Variants in DNAH5 observed in about 807,000 individuals in gnomAD.
DNAH5 encodes dynein axonemal heavy chain 5.
A neutral mutation model predicts 518.2 loss-of-function variants in DNAH5; 372 were observed. The ratio of observed to expected loss-of-function variants is 0.72; its 90% CI spans 0.66 to 0.78. DNAH5 has a LOEUF of 0.78. Among genes scored for constraint, DNAH5 ranks in the 30% least tolerant of loss-of-function variants. The probability of loss-of-function intolerance (pLI) is 0.00; values close to 1 mark genes in which losing one functional copy is unlikely to be tolerated. For missense variants in DNAH5, 5,523 were observed against 5,687.0 expected (o/e 0.97, Z 0.93); for synonymous variants, 2,039 against 2,025.9 (o/e 1.01, Z -0.17).
intron 52 of DNAH5, among the ~76,000 whole-genome samples, 189 bp downstream of exon 52, chr5:13,785,990 G>T (rs778811319): frequency 1.3e-5 from 2 of 152,164 alleles, no homozygotes; most frequent in Admixed American, 6.5e-5. Context: ...AAGTACACAG[G>T]CTCTTATTTC....
chr5:13,866,142 C>A, intron 26 of DNAH5, 78 bp downstream of exon 26: 3 of 1,397,104 alleles, frequency 2.1e-6, no homozygotes, highest in Non-Finnish European at 2.0e-6. Context: ...CTCTATCTTA[C>A]AAAGAAGAAA....
chr5:13,958,041 T>G (rs1218274182), intron 1 of DNAH5, among the ~76,000 whole-genome samples: 6 of 151,940 alleles, frequency 3.9e-5, no homozygotes, highest in African/African-American at 1.4e-4. Flanking sequence ...TATTGAATAT[T>G]CTTCAAAATA....
chr5:13,891,274 T>C (rs1773183322), intron 16 of DNAH5, among the ~76,000 whole-genome samples, 153 bp from the exon 17 acceptor site: 1 of 152,234 alleles, frequency 6.6e-6, no homozygotes, highest in African/African-American at 2.4e-5. Context: ...CACACTTGGT[T>C]GTCGCTAATA....
intron 22 of DNAH5, among the ~76,000 whole-genome samples, chr5:13,875,011 T>C (rs1044533342): frequency 9.2e-5 from 14 of 152,216 alleles, no homozygotes; most frequent in African/African-American, 3.4e-4. Flanking sequence ...CTATATCTAA[T>C]ACTATGACTA....
intron 17 of DNAH5, among the ~76,000 whole-genome samples, chr5:13,886,843 TATGTATA>T (rs1442314265): frequency 6.6e-6 from 1 of 152,222 alleles, no homozygotes; most frequent in Non-Finnish European, 1.5e-5. Context: ...AATTCCCTCA[TATGTATA>T]ATGGTGATAT....
At chr5:13,929,227 G>A (rs1215069682) in intron 2 of DNAH5, among the ~76,000 whole-genome samples, 1 of 152,142 alleles carries the variant, frequency 6.6e-6, no homozygotes, top group Non-Finnish European at 1.5e-5. Context: ...GAAATAAGAC[G>A]ATCCCAAAAA....
chr5:13,927,821 G>A (rs539364757), intron 3 of DNAH5, among the ~76,000 whole-genome samples: 8 of 152,292 alleles, frequency 5.3e-5, no homozygotes, highest in African/African-American at 1.9e-4. Flanking sequence ...TGCCAGCACA[G>A]CCTGAGAAGG....
intron 15 of DNAH5, among the ~76,000 whole-genome samples, chr5:13,895,807 C>G (rs546721817): frequency 6.6e-6 from 1 of 152,182 alleles, no homozygotes; most frequent in South Asian, 2.1e-4. Flanking sequence ...TTAATAAGTC[C>G]CAAACTGAAA....
chr5:13,894,593 G>A, intron 16 of DNAH5, 57 bp downstream of exon 16: 2 of 1,551,250 alleles, frequency 1.3e-6, no homozygotes, highest in Non-Finnish European at 1.8e-6. Context: ...TTATTCAACA[G>A]ATGTTAGGAA....
chr5:13,926,669 T>G (rs910442578), intron 3 of DNAH5, among the ~76,000 whole-genome samples: 1 of 144,124 alleles, frequency 6.9e-6, no homozygotes, highest in African/African-American at 2.6e-5. Flanking sequence ...GTCACAGGAT[T>G]GCTTGCATTC....
chr5:13,767,323 C>T (rs1239159118), intron 58 of DNAH5, among the ~76,000 whole-genome samples: 1 of 152,154 alleles, frequency 6.6e-6, no homozygotes, highest in African/African-American at 2.4e-5. Flanking sequence ...CAGAGTTTCA[C>T]CATGTTGGCC....
At chr5:13,892,471 T>C (rs1319781826) in intron 16 of DNAH5, among the ~76,000 whole-genome samples, 1 of 152,200 alleles carries the variant, frequency 6.6e-6, no homozygotes, top group Non-Finnish European at 1.5e-5. Context: ...GGCTTACTAA[T>C]CCAATTAAAA....
chr5:13,927,268 T>C (rs551066209), intron 3 of DNAH5, among the ~76,000 whole-genome samples: 1 of 152,146 alleles, frequency 6.6e-6, no homozygotes, highest in East Asian at 1.9e-4. Context: ...CCGAGGTGGG[T>C]GGATCACAAG....
In DNAH5 at chr5:13,885,267, A is replaced by AGATG. The variant is rs751409907; in HGVS notation, c.2744-43_2744-40dup. 13 of 1,610,126 alleles carry AGATG rather than the reference A, an allele frequency of 8.1e-6. No homozygotes were observed. The East Asian group carries it at 2.2e-4, about 28-fold the overall frequency. On this transcript the variant is annotated intron_variant, in intron 18 of 78. Transcript: ENST00000265104. ...AAAGAGATAGAGATAGAGATAAGTT[A>AGATG]GATGGATGGATGGATAGATAGACAG...
chr5:13,786,709 A>C (rs764183407), intron 51 of DNAH5, among the ~76,000 whole-genome samples: 1 of 152,234 alleles, frequency 6.6e-6, no homozygotes. Context: ...CAAGAATTAC[A>C]AAACTGTTTG....
intron 70 of DNAH5, among the ~76,000 whole-genome samples, chr5:13,723,327 T>G (rs1254805341): frequency 2.0e-5 from 3 of 152,206 alleles, no homozygotes; most frequent in Admixed American, 6.5e-5. Flanking sequence ...CAGGAAGGAC[T>G]TCAAAGGCTG....
rs938636724 is a variant in DNAH5, at chr5:13,944,531, G to A, written c.-93C>T. The A allele has an allele frequency of 9.1e-7, 1 of 1,093,878 alleles. No homozygotes were observed. The highest frequency in any genetic ancestry group is 1.8e-5 in the Admixed American group (1 of 54,368). The allele number at this position is 1,093,878 out of a possible 1,614,324, so 67.8% of individuals were successfully genotyped here. On this transcript the variant is annotated 5_prime_UTR_variant, in exon 1 of 79. Transcript: ENST00000265104. ...CTCAACATCCAACAGGCTTCCAAATGGAAAGTTTTACTTCCATTTTACTTT... is the reference window on the plus strand; with the variant it reads ...CTCAACATCCAACAGGCTTCCAAATAGAAAGTTTTACTTCCATTTTACTTT...
chr5:13,903,912 C>CTA (rs1774976903), intron 12 of DNAH5, among the ~76,000 whole-genome samples: 1 of 151,988 alleles, frequency 6.6e-6, no homozygotes, highest in South Asian at 2.1e-4. Flanking sequence ...GATACGATTA[C>CTA]TAACAAGATG....
Position 13,716,557 on chromosome 5 carries a change from T to A in DNAH5, c.12839A>T (p.Asp4280Val), listed in dbSNP as rs777745845. Residue 4280 changes from aspartate to valine, a missense_variant, in exon 74 of 79, where the codon GAT becomes GTT. Asp to Val is a radical substitution (Grantham distance 152). Coordinates refer to ENST00000265104, the MANE Select transcript of DNAH5 (RefSeq NM_001369.3). ...ATTGTATCCTTGGTAAAAACTGAAA[T>A]CTGGTCCAAACATATTTTCACTGAA... ...VWFSENMFGP[D>V]FSFYQGYNIP... 3.2e-5 allele frequency: 51 copies of A among 1,613,868 alleles called. No individual in the cohort carries two copies. In the South Asian group the frequency reaches 5.4e-4, roughly 17 times the overall value.
Sources: allele counts gnomAD v4.1 joint callset (sites outside exome capture counted in the v4.1 genomes callset), GRCh38; gene constraint gnomAD v4.1.1; transcripts MANE v1.5; gene names NCBI Gene and HGNC (gene_info 2026-07-23, HGNC 2026-07-21).